SLC4A5: variants seen among roughly 807,000 people sequenced by gnomAD.
SLC4A5 encodes electrogenic sodium bicarbonate cotransporter 4.
A neutral mutation model predicts 120.4 loss-of-function variants in SLC4A5; 96 were observed. The observed-to-expected ratio is 0.80, with a 90% CI of 0.68 to 0.94. The LOEUF is 0.94. SLC4A5 is among the 40% of genes least tolerant of loss of function. SLC4A5 has a pLI of 0.00. For synonymous variants in SLC4A5, 550 were observed against 571.1 expected (o/e 0.96, Z 0.53); for missense variants, 1,259 against 1,459.5 (o/e 0.86, Z 2.24).
chr2:74,265,204 C>A (rs760885313), exon 9 of SLC4A5: 1 of 1,614,238 alleles, frequency 6.2e-7, no homozygotes. Flanking sequence ...ATAGTGTGGA[C>A]ACGTGGGGCT....
chr2:74,308,014 C>T, intron 6 of SLC4A5: 1 of 540,920 alleles, frequency 1.8e-6, no homozygotes, highest in Admixed American at 2.0e-5. Context: ...CTCATGCTGT[C>T]CGGGGAGGAG....
At chr2:74,297,847 A>G (rs1371217130) in intron 7 of SLC4A5, among the ~76,000 whole-genome samples, 1 of 152,120 alleles carries the variant, frequency 6.6e-6, no homozygotes, top group African/African-American at 2.4e-5. Flanking sequence ...AAATAAACCA[A>G]CTGCTATGGC....
intron 12 of SLC4A5, among the ~76,000 whole-genome samples, chr2:74,257,137 A>T (rs1670992429): frequency 6.6e-6 from 1 of 152,078 alleles, no homozygotes; most frequent in South Asian, 2.1e-4. Flanking sequence ...GCTGTTTCCC[A>T]ATTCGACTCA....
At chr2:74,340,399 G>A (rs2104359740) in intron 2 of SLC4A5, among the ~76,000 whole-genome samples, 1 of 152,256 alleles carries the variant, frequency 6.6e-6, no homozygotes, top group Middle Eastern at 3.4e-3. Flanking sequence ...TGCTTTGCTG[G>A]CTGGCTTTTT....
intron 30 of SLC4A5, among the ~76,000 whole-genome samples, chr2:74,220,841 C>A (rs1181791793): frequency 8.5e-6 from 1 of 117,480 alleles, no homozygotes; most frequent in Non-Finnish European, 1.7e-5. Flanking sequence ...TATTTCCTTT[C>A]TTTTTTTTTT....
chr2:74,302,888 G>A (rs1573080020), intron 7 of SLC4A5, among the ~76,000 whole-genome samples: 1 of 152,130 alleles, frequency 6.6e-6, no homozygotes, highest in Non-Finnish European at 1.5e-5. Flanking sequence ...AGGTGGTGAG[G>A]TGACAGGGGA....
intron 18 of SLC4A5, 40 bp from the exon 19 acceptor site, chr2:74,247,347 G>A (rs992246111): frequency 4.4e-6 from 7 of 1,587,160 alleles, no homozygotes; most frequent in African/African-American, 2.7e-5. Context: ...CCAGCCCAGG[G>A]CTCCTGGCTG....
At chr2:74,305,853 T>C (rs1225984181) in intron 6 of SLC4A5, among the ~76,000 whole-genome samples, 2 of 151,444 alleles carry the variant, frequency 1.3e-5, no homozygotes, top group Admixed American at 6.6e-5. Context: ...GCCTCCCAAG[T>C]AGCTGGGATT....
chr2:74,341,695 C>T (rs1673630416), intron 2 of SLC4A5, among the ~76,000 whole-genome samples: 1 of 152,190 alleles, frequency 6.6e-6, no homozygotes, highest in Non-Finnish European at 1.5e-5. Context: ...CTTGAATTGA[C>T]TCTTCCTAAA....
intron 14 of SLC4A5, 105 bp downstream of exon 14, chr2:74,254,514 A>T: frequency 1.2e-6 from 1 of 842,928 alleles, no homozygotes; most frequent in South Asian, 1.4e-5. Flanking sequence ...CCTGGTACAC[A>T]GTAGGTGCTC....
intron 6 of SLC4A5, among the ~76,000 whole-genome samples, chr2:74,312,243 ATGTGTGTG>A (rs111417670): frequency 2.2e-5 from 3 of 139,352 alleles, no homozygotes; most frequent in African/African-American, 5.1e-5. Flanking sequence ...GTGTGTGTAT[ATGTGTGTG>A]TGTGTGTGTG....
At chr2:74,250,689 C>T (rs1316308253) in intron 16 of SLC4A5, 172 bp from the exon 17 acceptor site, 3 of 760,268 alleles carry the variant, frequency 3.9e-6, no homozygotes, top group African/African-American at 1.8e-5. Context: ...TCCTGTAGGA[C>T]TGAGTTTGTG....
At chr2:74,315,954 G>C (rs1672953590) in intron 5 of SLC4A5, among the ~76,000 whole-genome samples, 1 of 151,992 alleles carries the variant, frequency 6.6e-6, no homozygotes. Context: ...AATAAGAATA[G>C]TTAACATTGC....
chr2:74,234,428 C>T (rs564790352), intron 22 of SLC4A5, among the ~76,000 whole-genome samples: 63 of 152,308 alleles, frequency 4.1e-4, no homozygotes, highest in Middle Eastern at 3.4e-3. Flanking sequence ...CCGCCCACCT[C>T]GGCCTCCCAA....
chr2:74,225,050 A>G, intron 27 of SLC4A5, 55 bp from the exon 28 acceptor site: 1 of 1,557,194 alleles, frequency 6.4e-7, no homozygotes, highest in Non-Finnish European at 8.7e-7. Flanking sequence ...CTGTGGTCTC[A>G]ATGCCCAAAC....
At chr2:74,230,529 CCAT>C (rs1670039407) in intron 25 of SLC4A5, among the ~76,000 whole-genome samples, 1 of 152,170 alleles carries the variant, frequency 6.6e-6, no homozygotes, top group African/African-American at 2.4e-5. Context: ...GGATGTACCA[CCAT>C]GTTTGGCCTC....
At chr2:74,250,205 A>G in intron 17 of SLC4A5, 138 bp downstream of exon 17, 1 of 725,618 alleles carries the variant, frequency 1.4e-6, no homozygotes, top group Non-Finnish European at 2.2e-6. Flanking sequence ...CTTGAAGCGT[A>G]AAGGATTACA....
chr2:74,265,732 G>A (rs1220452037), intron 8 of SLC4A5, among the ~76,000 whole-genome samples: 3 of 152,156 alleles, frequency 2.0e-5, no homozygotes, highest in Non-Finnish European at 2.9e-5. Context: ...GTTCCCTGAC[G>A]AAAAGTATTT....
rs1182761794 is a variant in SLC4A5, at chr2:74,284,162, C to CTTTTTTTTT, written c.401+1602_401+1610dup. On this transcript the variant is annotated intron_variant, in intron 8 of 30. Coordinates refer to ENST00000394019, the Ensembl canonical transcript of SLC4A5. ...TGTGCCTAGCCCTTATTCCTTATTT[C>CTTTTTTTTT]TTTTTTTTTTTTTTTTTTTTTTTTT... 3.6e-4 allele frequency among the ~76,000 whole-genome samples: 29 copies of CTTTTTTTTT among 81,104 alleles called. 1 individual carries two copies. The highest frequency in any genetic ancestry group is 4.7e-4 in the Non-Finnish European group (23 of 49,144). The allele number at this position is 81,104 out of a possible 152,430, so 53.2% of individuals were successfully genotyped here.
Sources: allele counts gnomAD v4.1 joint callset (sites outside exome capture counted in the v4.1 genomes callset), GRCh38; gene constraint gnomAD v4.1.1; transcripts MANE v1.5; gene names NCBI Gene and HGNC (gene_info 2026-07-23, HGNC 2026-07-21).